FSTL5: variants seen among roughly 807,000 people sequenced by gnomAD.
FSTL5 encodes the protein follistatin-related protein 5.
Under a neutral mutation model 89.1 loss-of-function variants are expected in FSTL5, and 62 were observed. The ratio of observed to expected loss-of-function variants is 0.70; its 90% CI spans 0.57 to 0.86. The LOEUF is 0.86. FSTL5 is among the 40% of genes least tolerant of loss of function. The probability of loss-of-function intolerance (pLI) is 0.00; values close to 1 mark genes in which losing one functional copy is unlikely to be tolerated. For missense variants in FSTL5, 1,057 were observed against 1,001.6 expected (o/e 1.06, Z -0.75); for synonymous variants, 383 against 346.2 (o/e 1.11, Z -1.18).
intron 7 of FSTL5, among the ~76,000 whole-genome samples, chr4:161,609,483 A>C (rs1734567883): frequency 6.6e-6 from 1 of 152,124 alleles, no homozygotes; most frequent in Non-Finnish European, 1.5e-5. Flanking sequence ...AAACACTTAA[A>C]TTATGTATTT....
rs186261952 is a variant in FSTL5, at chr4:161,849,550, C to T, written c.409+70854G>A. 5.7e-3 allele frequency among the ~76,000 whole-genome samples: 872 copies of T among 152,018 alleles called. 9 individuals carry two copies. Among genetic ancestry groups the T allele is most frequent in the African/African-American group, 0.02 (821 of 41,462 alleles). Reference sequence around the variant, plus strand: ...ACCTACACACACACACACACACACACACACACACACATAGAATTCTCAAAT... The same window carrying T: ...ACCTACACACACACACACACACACATACACACACACATAGAATTCTCAAAT... On this transcript the variant is annotated intron_variant, in intron 4 of 15. Transcript: ENST00000306100.
chr4:161,794,866 C>T (rs1337300677), intron 4 of FSTL5, among the ~76,000 whole-genome samples: 1 of 152,022 alleles, frequency 6.6e-6, no homozygotes, highest in Non-Finnish European at 1.5e-5. Context: ...TTTCTCTAAT[C>T]TCTCATCATA....
chr4:161,752,144 T>C (rs1169001545), intron 6 of FSTL5, among the ~76,000 whole-genome samples: 1 of 152,156 alleles, frequency 6.6e-6, no homozygotes, highest in East Asian at 1.9e-4. Context: ...CACATTATGA[T>C]GTATAAATCA....
intron 3 of FSTL5, among the ~76,000 whole-genome samples, chr4:161,994,501 A>C (rs1255577128): frequency 6.6e-6 from 1 of 151,996 alleles, no homozygotes; most frequent in Non-Finnish European, 1.5e-5. Flanking sequence ...CCCACCAACA[A>C]TGTATAAGTG....
chr4:161,758,659 A>T (rs1257878959), intron 6 of FSTL5, among the ~76,000 whole-genome samples: 1 of 152,096 alleles, frequency 6.6e-6, no homozygotes, highest in Non-Finnish European at 1.5e-5. Flanking sequence ...CTGGGATTAC[A>T]GGCGCGCAGC....
chr4:161,583,893 C>G (rs1472540230), intron 8 of FSTL5, among the ~76,000 whole-genome samples: 1 of 152,162 alleles, frequency 6.6e-6, no homozygotes, highest in Non-Finnish European at 1.5e-5. Context: ...TCACATTTAT[C>G]ATGTCCTCTC....
At position 161,708,951 on chromosome 4, in the gene FSTL5, C is replaced by T. The variant is rs562395132; in HGVS notation, c.727+50460G>A. Among the ~76,000 whole-genome samples, 332 of 152,160 alleles carry T rather than the reference C, an allele frequency of 2.2e-3. 2 individuals carry two copies. The highest frequency in any genetic ancestry group is 7.2e-3 in the African/African-American group (301 of 41,536). On this transcript the variant is annotated intron_variant, in intron 6 of 15. Coordinates refer to ENST00000306100, the MANE Select transcript of FSTL5 (RefSeq NM_020116.5). ...ATGTCACTAATTTGATACTTTTCTG[C>T]TTTAGTGTTTTATATCATAACTGTT...
At chr4:161,460,583 GA>G (rs757229158) in intron 13 of FSTL5, among the ~76,000 whole-genome samples, 1 of 152,038 alleles carries the variant, frequency 6.6e-6, no homozygotes, top group Non-Finnish European at 1.5e-5. Context: ...GTTGTGGTTG[GA>G]AATATGGAAA....
chr4:161,838,815 A>G lies in FSTL5; in HGVS notation c.410-62741T>C, dbSNP rs1194884667. Among the ~76,000 whole-genome samples the G allele has an allele frequency of 2.0e-5, 3 of 152,152 alleles. No individual in the cohort carries two copies. In the East Asian group the frequency reaches 5.8e-4, roughly 29 times the overall value. ...CTAAGAGCACATGGAATACTCATCA[A>G]AAGAAACCATGTTGAGCTGTAAAAC... On this transcript the variant is annotated intron_variant, in intron 4 of 15. Coordinates refer to ENST00000306100, the MANE Select transcript of FSTL5 (RefSeq NM_020116.5).
At chr4:161,398,497 G>C (rs538426384) in intron 15 of FSTL5, among the ~76,000 whole-genome samples, 3 of 152,162 alleles carry the variant, frequency 2.0e-5, no homozygotes, top group South Asian at 2.1e-4. Context: ...TAAAGAGAAA[G>C]AGCTATGAGC....
intron 2 of FSTL5, among the ~76,000 whole-genome samples, chr4:162,057,347 G>A (rs1301547124): frequency 1.3e-5 from 2 of 152,064 alleles, no homozygotes; most frequent in Non-Finnish European, 2.9e-5. Flanking sequence ...CCATTACAAC[G>A]TTGAAATGAA....
chr4:161,415,242 G>T (rs925347222), intron 15 of FSTL5, among the ~76,000 whole-genome samples: 3 of 152,020 alleles, frequency 2.0e-5, no homozygotes, highest in Non-Finnish European at 4.4e-5. Context: ...AGCATTGTTT[G>T]TCTCTTCACT....
chr4:161,901,315 G>C (rs1006303635), intron 4 of FSTL5, among the ~76,000 whole-genome samples: 10 of 152,158 alleles, frequency 6.6e-5, no homozygotes, highest in African/African-American at 2.4e-4. Context: ...TGAGTGAAGT[G>C]AGAAGATGGA....
At chr4:161,910,006 A>C (rs958393068) in intron 4 of FSTL5, among the ~76,000 whole-genome samples, 1 of 152,192 alleles carries the variant, frequency 6.6e-6, no homozygotes, top group South Asian at 2.1e-4. Context: ...TGAGCTTGGT[A>C]TCTCATTTCC....
intron 1 of FSTL5, among the ~76,000 whole-genome samples, chr4:162,137,989 G>A (rs1369219500): frequency 6.6e-6 from 1 of 151,928 alleles, no homozygotes; most frequent in Non-Finnish European, 1.5e-5. Context: ...GTGTTCCAAG[G>A]GTACTCAGAG....
At chr4:161,803,209 C>T (rs1349441510) in intron 4 of FSTL5, among the ~76,000 whole-genome samples, 1 of 151,822 alleles carries the variant, frequency 6.6e-6, no homozygotes, top group Admixed American at 6.6e-5. Context: ...CATTCTCTAG[C>T]ATAATAGGTT....
chr4:161,648,663 G>C (rs1736233397), intron 7 of FSTL5, among the ~76,000 whole-genome samples: 1 of 91,134 alleles, frequency 1.1e-5, no homozygotes, highest in East Asian at 4.2e-4. Flanking sequence ...CACAATTTGG[G>C]TTTGGTCCTC....
chr4:161,902,663 C>A (rs1280886691), intron 4 of FSTL5, among the ~76,000 whole-genome samples: 2 of 151,920 alleles, frequency 1.3e-5, no homozygotes, highest in East Asian at 1.9e-4. Context: ...CTGGCTAACA[C>A]GGCAAAACCC....
At chr4:161,701,417 T>C (rs1407337994) in intron 6 of FSTL5, among the ~76,000 whole-genome samples, 1 of 152,132 alleles carries the variant, frequency 6.6e-6, no homozygotes, top group Non-Finnish European at 1.5e-5. Flanking sequence ...AAATAGTAGA[T>C]ATAGGTTAAA....
Sources: allele counts gnomAD v4.1 joint callset (sites outside exome capture counted in the v4.1 genomes callset), GRCh38; gene constraint gnomAD v4.1.1; transcripts MANE v1.5; gene names NCBI Gene and HGNC (gene_info 2026-07-23, HGNC 2026-07-21).